CACNA1E: variants seen among roughly 807,000 people sequenced by gnomAD.
The protein encoded by CACNA1E is voltage-dependent R-type calcium channel subunit alpha-1E.
A neutral mutation model predicts 259.2 loss-of-function variants in CACNA1E; 40 were observed. The ratio of observed to expected loss-of-function variants is 0.15; its 90% confidence interval spans 0.12 to 0.20. The LOEUF is 0.20. Among genes scored for constraint, CACNA1E ranks in the 10% least tolerant of loss-of-function variants. The pLI is 1.00. For missense variants in CACNA1E, 1,874 were observed against 3,040.1 expected (o/e 0.62, Z 9.02); for synonymous variants, 1,104 against 1,138.5 (o/e 0.97, Z 0.61).
At chr1:181,462,930 T>C (rs1661915947) in intron 2 of CACNA1E, among the ~76,000 whole-genome samples, 1 of 145,520 alleles carries the variant, frequency 6.9e-6, no homozygotes, top group Non-Finnish European at 1.5e-5. Context: ...GTTGCTATAA[T>C]TTTTTGTTAT....
intron 1 of CACNA1E, among the ~76,000 whole-genome samples, chr1:181,504,109 G>T (rs1405139543): frequency 6.6e-6 from 1 of 152,158 alleles, no homozygotes; most frequent in Non-Finnish European, 1.5e-5. Context: ...ATGCATGAAG[G>T]TGTCCATGCC....
chr1:181,476,557 G>A (rs914558431), intron 2 of CACNA1E, among the ~76,000 whole-genome samples: 3 of 152,202 alleles, frequency 2.0e-5, no homozygotes, highest in Non-Finnish European at 4.4e-5. Context: ...ATCAAGACCA[G>A]GCAAGACACG....
chr1:181,694,168 G>A (rs930396856), intron 7 of CACNA1E, among the ~76,000 whole-genome samples: 2 of 152,186 alleles, frequency 1.3e-5, no homozygotes, highest in African/African-American at 2.4e-5. Flanking sequence ...ATTACCACGT[G>A]ATGTTTAATT....
At chr1:181,382,799 C>G (rs549916630) in intron 1 of CACNA1E, among the ~76,000 whole-genome samples, 3 of 152,292 alleles carry the variant, frequency 2.0e-5, no homozygotes, top group South Asian at 4.1e-4. Context: ...TAGCTCAGCC[C>G]ATTGCTCAGG....
intron 3 of CACNA1E, among the ~76,000 whole-genome samples, chr1:181,573,205 C>G (rs1558141392): frequency 1.3e-5 from 2 of 152,202 alleles, no homozygotes; most frequent in Non-Finnish European, 2.9e-5. Context: ...CTTGAAAATG[C>G]TAACTGACAG....
chr1:181,348,555 G>A (rs1186885288), intron 1 of CACNA1E, among the ~76,000 whole-genome samples: 1 of 152,130 alleles, frequency 6.6e-6, no homozygotes, highest in East Asian at 1.9e-4. Context: ...AACCATTGCT[G>A]TGCTCCTGGG....
At chr1:181,612,417 A>C (rs1558184425) in intron 6 of CACNA1E, among the ~76,000 whole-genome samples, 2 of 152,038 alleles carry the variant, frequency 1.3e-5, no homozygotes, top group Non-Finnish European at 2.9e-5. Flanking sequence ...GCAAGGTTTT[A>C]TTTTTCATTG....
chr1:181,400,899 C>T (rs1657052015), intron 1 of CACNA1E, among the ~76,000 whole-genome samples: 1 of 152,204 alleles, frequency 6.6e-6, no homozygotes, highest in Non-Finnish European at 1.5e-5. Context: ...GCCTCTTCCC[C>T]TGCTCTCCCA....
At chr1:181,551,985 T>A (rs564421140) in intron 3 of CACNA1E, among the ~76,000 whole-genome samples, 1 of 152,266 alleles carries the variant, frequency 6.6e-6, no homozygotes, top group East Asian at 1.9e-4. Context: ...AGGAAAGCAG[T>A]GTAAGCTTTC....
intron 6 of CACNA1E, among the ~76,000 whole-genome samples, chr1:181,632,306 G>T (rs1656823278): frequency 6.6e-6 from 1 of 152,106 alleles, no homozygotes; most frequent in Non-Finnish European, 1.5e-5. Context: ...TTTATAGAGG[G>T]TATAGAGTAA....
chr1:181,664,381 G>A (rs1418415700), intron 7 of CACNA1E, among the ~76,000 whole-genome samples: 1 of 152,074 alleles, frequency 6.6e-6, no homozygotes, highest in African/African-American at 2.4e-5. Context: ...CTAGATGCTG[G>A]GGATTCAAAA....
At chr1:181,450,225 C>T (rs953882399) in intron 2 of CACNA1E, among the ~76,000 whole-genome samples, 1 of 152,196 alleles carries the variant, frequency 6.6e-6, no homozygotes, top group South Asian at 2.1e-4. Flanking sequence ...CATGGTCCAA[C>T]CTTCTCCCAC....
chr1:181,347,983 C>T (rs1259897057), intron 1 of CACNA1E, among the ~76,000 whole-genome samples: 1 of 152,268 alleles, frequency 6.6e-6, no homozygotes, highest in East Asian at 1.9e-4. Context: ...AGGCGGCTCA[C>T]AGCCAGGAAC....
intron 16 of CACNA1E, among the ~76,000 whole-genome samples, chr1:181,723,515 T>C (rs1234214973): frequency 2.0e-5 from 3 of 152,176 alleles, no homozygotes; most frequent in African/African-American, 7.2e-5. Flanking sequence ...AATCCGGCAG[T>C]GGATACTAAT....
chr1:181,572,913 ATGCTCACT>A (rs964748514), intron 3 of CACNA1E, among the ~76,000 whole-genome samples: 2 of 152,130 alleles, frequency 1.3e-5, no homozygotes, highest in African/African-American at 4.8e-5. Context: ...GAAGGGAAGA[ATGCTCACT>A]TGCCTGTTTG....
At chr1:181,546,264 C>T (rs1412333427) in intron 3 of CACNA1E, among the ~76,000 whole-genome samples, 1 of 152,140 alleles carries the variant, frequency 6.6e-6, no homozygotes, top group African/African-American at 2.4e-5. Flanking sequence ...GTTAGGAGCC[C>T]TGGGCTCTTG....
At chr1:181,545,729 T>A (rs1647378155) in intron 3 of CACNA1E, among the ~76,000 whole-genome samples, 1 of 152,192 alleles carries the variant, frequency 6.6e-6, no homozygotes, top group African/African-American at 2.4e-5. Context: ...AATTCCACAT[T>A]TTGATCACAA....
At chr1:181,340,908 A>G (rs2102631623) in intron 1 of CACNA1E, among the ~76,000 whole-genome samples, 1 of 152,290 alleles carries the variant, frequency 6.6e-6, no homozygotes, top group South Asian at 2.1e-4. Flanking sequence ...TGTTTTATAT[A>G]TGTGATTCCA....
chr1:181,724,595 C>T lies in CACNA1E; in HGVS notation c.2142+58C>T, dbSNP rs1306668434. ...TCTAGTGCCATTGGGTACCCTTTGG[C>T]CTTTGGAACTCTCTCCCAAAGTCTA... is the stretch of plus-strand genomic sequence containing the variant. On this transcript the variant is annotated intron_variant, in intron 17 of 47. Coordinates refer to ENST00000367573, the MANE Select transcript of CACNA1E (RefSeq NM_001205293.3). 6 of 1,384,098 alleles carry T rather than the reference C, an allele frequency of 4.3e-6. No homozygotes were observed. The Admixed American group carries it at 7.5e-5, about 17-fold the overall frequency. 85.7% of individuals were successfully genotyped at this position (1,384,098 alleles called of 1,614,324 possible).
Sources: allele counts gnomAD v4.1 joint callset (sites outside exome capture counted in the v4.1 genomes callset), GRCh38; gene constraint gnomAD v4.1.1; transcripts MANE v1.5; gene names NCBI Gene and HGNC (gene_info 2026-07-23, HGNC 2026-07-21).